The following ESRRG variants were observed in gnomAD, a reference collection of about 807,000 sequenced individuals.
ESRRG encodes estrogen-related receptor gamma.
A neutral mutation model predicts 44.0 loss-of-function variants in ESRRG; 13 were observed. That is an observed-to-expected ratio of 0.30 (90% CI 0.19 to 0.47). The LOEUF (loss-of-function observed/expected upper bound fraction) is 0.47, where lower values mean the gene tolerates loss of function less well. Among genes scored for constraint, ESRRG ranks in the 20% least tolerant of loss-of-function variants. The pLI is 1.00. For missense variants in ESRRG, 395 were observed against 580.6 expected (o/e 0.68, Z 3.29); for synonymous variants, 215 against 214.6 (o/e 1.00, Z -0.02).
At chr1:216,864,538 G>A (rs916705683) in intron 2 of ESRRG, 12 of 150,004 alleles carry the variant, frequency 8.0e-5, no homozygotes, top group African/African-American at 3.0e-4. Flanking sequence ...CAAAACAGAG[G>A]TTTAAGGAAA....
intron 2 of ESRRG, among the ~76,000 whole-genome samples, chr1:216,790,135 T>G (rs1048131823): frequency 2.0e-5 from 3 of 152,186 alleles, no homozygotes; most frequent in African/African-American, 7.2e-5. Context: ...CTGGATCTCC[T>G]AAATAACTGT....
At chr1:216,604,855 T>C (rs1462107981) in intron 3 of ESRRG, among the ~76,000 whole-genome samples, 1 of 152,226 alleles carries the variant, frequency 6.6e-6, no homozygotes, top group African/African-American at 2.4e-5. Context: ...AACCACAAAG[T>C]ATATCATCAT....
intron 2 of ESRRG, among the ~76,000 whole-genome samples, chr1:216,658,323 G>A (rs2071176727): frequency 6.6e-6 from 1 of 151,878 alleles, no homozygotes; most frequent in South Asian, 2.1e-4. Context: ...CTTCCCTCAG[G>A]TTCCCCTAAC....
At chr1:216,696,763 T>C in intron 1 of ESRRG, among the ~76,000 whole-genome samples, 1 of 152,086 alleles carries the variant, frequency 6.6e-6, no homozygotes, top group East Asian at 1.9e-4. Context: ...TGTCATTAAT[T>C]AACTGTATTA....
intron 1 of ESRRG, among the ~76,000 whole-genome samples, chr1:217,087,388 C>T (rs955255980): frequency 2.6e-5 from 4 of 152,184 alleles, no homozygotes; most frequent in African/African-American, 4.8e-5. Flanking sequence ...AATACTGTTG[C>T]GGTAATAAGT....
chr1:216,619,702 A>G (rs766002075), intron 3 of ESRRG, among the ~76,000 whole-genome samples: 9 of 152,214 alleles, frequency 5.9e-5, no homozygotes, highest in Non-Finnish European at 1.2e-4. Context: ...TTTTGAGGTT[A>G]ACATTAAAAT....
At chr1:217,075,554 C>G (rs112966131) in intron 1 of ESRRG, among the ~76,000 whole-genome samples, 10 of 151,812 alleles carry the variant, frequency 6.6e-5, no homozygotes, top group African/African-American at 2.4e-4. Flanking sequence ...TCCACTTATA[C>G]TTGGTGTTCC....
chr1:216,692,442 T>C (rs2079242084), intron 1 of ESRRG, among the ~76,000 whole-genome samples: 1 of 152,088 alleles, frequency 6.6e-6, no homozygotes, highest in South Asian at 2.1e-4. Context: ...AAAGTACAAC[T>C]GTACATGTTT....
chr1:217,039,964 A>T (rs1362419867), intron 1 of ESRRG, among the ~76,000 whole-genome samples: 1 of 152,166 alleles, frequency 6.6e-6, no homozygotes, highest in African/African-American at 2.4e-5. Context: ...CCATGGAAAC[A>T]TATGGAAATA....
chr1:216,985,390 A>G (rs1211904223), intron 1 of ESRRG, among the ~76,000 whole-genome samples: 2 of 152,218 alleles, frequency 1.3e-5, no homozygotes, highest in African/African-American at 4.8e-5. Flanking sequence ...CCTCCAATCC[A>G]GGCTGGAGAA....
intron 1 of ESRRG, among the ~76,000 whole-genome samples, chr1:217,043,794 G>C (rs972253975): frequency 6.6e-6 from 1 of 152,018 alleles, no homozygotes; most frequent in Non-Finnish European, 1.5e-5. Context: ...ACTCAAAATA[G>C]AGAGCTAAAT....
intron 1 of ESRRG, among the ~76,000 whole-genome samples, chr1:216,996,120 A>G (rs1327637744): frequency 6.6e-6 from 1 of 152,242 alleles, no homozygotes; most frequent in African/African-American, 2.4e-5. Flanking sequence ...AGATTGGATC[A>G]GTGATTGCTA....
At chr1:216,526,745 A>G (rs563733240) in intron 5 of ESRRG, among the ~76,000 whole-genome samples, 1 of 152,294 alleles carries the variant, frequency 6.6e-6, no homozygotes, top group South Asian at 2.1e-4. Flanking sequence ...AGAATAACAA[A>G]CCGAGCTAAT....
intron 2 of ESRRG, among the ~76,000 whole-genome samples, chr1:216,768,500 AT>A (rs1008190525): frequency 2.3e-5 from 3 of 128,174 alleles, no homozygotes; most frequent in African/African-American, 9.7e-5. Context: ...CTATCTATCT[AT>A]ATTTTAGAGG....
At chr1:216,988,629 T>G (rs966948469) in intron 1 of ESRRG, among the ~76,000 whole-genome samples, 2 of 152,208 alleles carry the variant, frequency 1.3e-5, no homozygotes, top group Non-Finnish European at 2.9e-5. Context: ...CCATACTTAG[T>G]TCCTCTTTAG....
chr1:216,848,706 A>T (rs972431228), intron 2 of ESRRG, among the ~76,000 whole-genome samples: 1 of 152,056 alleles, frequency 6.6e-6, no homozygotes, highest in African/African-American at 2.4e-5. Context: ...GCTCATATTT[A>T]CTATATTTAG....
chr1:217,085,679 CAG>C (rs1430954892), intron 1 of ESRRG, among the ~76,000 whole-genome samples: 1 of 151,556 alleles, frequency 6.6e-6, no homozygotes, highest in African/African-American at 2.4e-5. Context: ...TTGGTAGAGA[CAG>C]GGTTTCATCA....
intron 1 of ESRRG, among the ~76,000 whole-genome samples, chr1:217,127,166 G>A (rs953558975): frequency 2.0e-5 from 3 of 152,108 alleles, no homozygotes; most frequent in East Asian, 1.9e-4. Context: ...CTGCTTGTTC[G>A]AAGTCTCATT....
At chr1:217,064,122 T>G (rs1359765097) in intron 1 of ESRRG, among the ~76,000 whole-genome samples, 1 of 152,074 alleles carries the variant, frequency 6.6e-6, no homozygotes, top group Non-Finnish European at 1.5e-5. Flanking sequence ...GTGTTTTTCA[T>G]TAATCTTCAC....
Sources: allele counts gnomAD v4.1 joint callset (sites outside exome capture counted in the v4.1 genomes callset), GRCh38; gene constraint gnomAD v4.1.1; transcripts MANE v1.5; gene names NCBI Gene and HGNC (gene_info 2026-07-23, HGNC 2026-07-21).